The following SGCD variants were observed in gnomAD, a reference collection of about 807,000 sequenced individuals.
SGCD encodes the protein delta-sarcoglycan.
SGCD carries 18 observed loss-of-function variants against 36.6 expected under a neutral mutation model. That is an observed-to-expected ratio of 0.49 (90% CI 0.34 to 0.73). SGCD has a LOEUF of 0.73. Among genes scored for constraint, SGCD ranks in the 30% least tolerant of loss-of-function variants. The probability of loss-of-function intolerance (pLI) is 0.01; values close to 1 mark genes in which losing one functional copy is unlikely to be tolerated. For missense variants in SGCD, 387 were observed against 346.7 expected (o/e 1.12, Z -0.92); for synonymous variants, 133 against 130.6 (o/e 1.02, Z -0.12).
intron 3 of SGCD, among the ~76,000 whole-genome samples, chr5:156,431,778 T>C (rs925365317): frequency 1.3e-4 from 20 of 152,098 alleles, no homozygotes; most frequent in Admixed American, 4.6e-4. Flanking sequence ...TGCAGTGGCG[T>C]GATCTCGACT....
intron 3 of SGCD, among the ~76,000 whole-genome samples, chr5:156,358,346 A>T (rs978575642): frequency 6.6e-6 from 1 of 152,220 alleles, no homozygotes; most frequent in African/African-American, 2.4e-5. Context: ...GACAGCAGAA[A>T]TAATTTGTGT....
the SGCD span, among the ~76,000 whole-genome samples, chr5:155,846,877 C>T: frequency 6.6e-6 from 1 of 152,202 alleles, no homozygotes; most frequent in East Asian, 1.9e-4. Flanking sequence ...TATTCAACCT[C>T]TCAACCTCTC....
chr5:156,461,626 T>C (rs1370348026), intron 3 of SGCD, among the ~76,000 whole-genome samples: 1 of 152,096 alleles, frequency 6.6e-6, no homozygotes, highest in Non-Finnish European at 1.5e-5. Context: ...CTCGGGTCCT[T>C]TCCCTTTTTA....
Position 156,563,023 on chromosome 5 carries a change from G to A in SGCD, c.295-26208G>A, listed in dbSNP as rs1467356949. On this transcript the variant is annotated intron_variant, in intron 4 of 8. Coordinates refer to ENST00000337851, the MANE Select transcript of SGCD (RefSeq NM_000337.6). ...ACGGAGTTTTGCTCTTGTTGCCCAG[G>A]TTGGAGTGCAAAATCGCATGATCTC... Among the ~76,000 whole-genome samples, 3 of 152,056 alleles carry A rather than the reference G, an allele frequency of 2.0e-5. No individual in the cohort carries two copies. In the East Asian group the frequency reaches 5.8e-4, roughly 29 times the overall value.
intron 3 of SGCD, among the ~76,000 whole-genome samples, chr5:156,178,672 T>C (rs1160911262): frequency 6.6e-6 from 1 of 152,020 alleles, no homozygotes; most frequent in Admixed American, 6.6e-5. Context: ...GCCTTCTGGG[T>C]TCAAGCAATT....
intron 7 of SGCD, among the ~76,000 whole-genome samples, chr5:156,703,035 G>C (rs1344286430): frequency 6.6e-6 from 1 of 152,144 alleles, no homozygotes; most frequent in Non-Finnish European, 1.5e-5. Context: ...CATCCATCTG[G>C]GCACATTTGT....
At chr5:156,465,430 G>A (rs1000676587) in intron 3 of SGCD, among the ~76,000 whole-genome samples, 1 of 152,228 alleles carries the variant, frequency 6.6e-6, no homozygotes, top group Admixed American at 6.5e-5. Flanking sequence ...TTTAGGCAAC[G>A]TTCTACAGTT....
the SGCD span, among the ~76,000 whole-genome samples, chr5:155,781,510 G>A: frequency 6.6e-6 from 1 of 152,158 alleles, no homozygotes; most frequent in Admixed American, 6.5e-5. Flanking sequence ...CACTGTGGCT[G>A]GTGTGCAGTG....
chr5:156,296,439 T>C (rs1346995028), intron 3 of SGCD, among the ~76,000 whole-genome samples: 1 of 152,220 alleles, frequency 6.6e-6, no homozygotes, highest in South Asian at 2.1e-4. Context: ...AGAAGATCTT[T>C]CTTATTTTCT....
At chr5:156,385,478 A>G (rs1165409966) in intron 3 of SGCD, among the ~76,000 whole-genome samples, 2 of 152,232 alleles carry the variant, frequency 1.3e-5, no homozygotes, top group Non-Finnish European at 2.9e-5. Context: ...GTTAAAGATA[A>G]AACCATCAGG....
chr5:156,032,112 A>C (rs1380429430), intron 1 of SGCD, among the ~76,000 whole-genome samples: 1 of 152,074 alleles, frequency 6.6e-6, no homozygotes, highest in Admixed American at 6.6e-5. Context: ...ATCACACTAT[A>C]TGGCTTATGC....
At chr5:156,710,800 T>C (rs1754955068) in intron 7 of SGCD, among the ~76,000 whole-genome samples, 1 of 152,092 alleles carries the variant, frequency 6.6e-6, no homozygotes, top group Non-Finnish European at 1.5e-5. Flanking sequence ...AGATGGCAAA[T>C]GTTTTCTATG....
At chr5:156,186,280 G>A (rs775621276) in intron 3 of SGCD, among the ~76,000 whole-genome samples, 5 of 152,040 alleles carry the variant, frequency 3.3e-5, no homozygotes, top group Non-Finnish European at 7.4e-5. Context: ...ACATATTGAG[G>A]TTGTGACTGG....
chr5:156,292,374 C>CT (rs960639794), intron 3 of SGCD, among the ~76,000 whole-genome samples: 4 of 152,026 alleles, frequency 2.6e-5, no homozygotes, highest in Admixed American at 6.6e-5. Flanking sequence ...TACGTATTTG[C>CT]TTTTTTGTGA....
At chr5:156,328,979 A>G (rs1222250978) in intron 1 of SGCD, among the ~76,000 whole-genome samples, 2 of 152,174 alleles carry the variant, frequency 1.3e-5, no homozygotes, top group Admixed American at 6.5e-5. Context: ...CTCTATATTT[A>G]GCGTGCGTCA....
intron 1 of SGCD, among the ~76,000 whole-genome samples, chr5:156,060,564 A>C (rs1439288865): frequency 6.8e-6 from 1 of 146,254 alleles, no homozygotes; most frequent in African/African-American, 2.5e-5. Context: ...GAGACTGGTT[A>C]TAATGGGAAT....
chr5:156,490,544 G>T (rs1182287216), intron 3 of SGCD, among the ~76,000 whole-genome samples: 2 of 151,292 alleles, frequency 1.3e-5, no homozygotes, highest in African/African-American at 4.8e-5. Flanking sequence ...TACAAGGATG[G>T]TTCAATATAT....
intron 1 of SGCD, among the ~76,000 whole-genome samples, chr5:155,923,109 A>G (rs1397688497): frequency 6.6e-6 from 1 of 152,222 alleles, no homozygotes; most frequent in Non-Finnish European, 1.5e-5. Flanking sequence ...TGGGGGTTTC[A>G]TACTACGCAA....
intron 1 of SGCD, among the ~76,000 whole-genome samples, chr5:156,047,249 G>T (rs1343277097): frequency 6.6e-6 from 1 of 152,166 alleles, no homozygotes; most frequent in African/African-American, 2.4e-5. Flanking sequence ...AGCAGCAAGT[G>T]TTGATGGAGA....
Sources: gnomAD v4.1 joint callset for allele counts (sites outside exome capture counted in the v4.1 genomes callset) on GRCh38, gnomAD v4.1.1 for gene constraint, MANE v1.5 for transcripts, NCBI Gene and HGNC (gene_info 2026-07-23, HGNC 2026-07-21) for gene names.